RASSF9: variants seen among roughly 807,000 people sequenced by gnomAD.
The protein encoded by RASSF9 is Ras association domain family member 9, also known as ras association domain-containing protein 9.
Under a neutral mutation model 21.4 loss-of-function variants are expected in RASSF9, and 18 were observed. The ratio of observed to expected loss-of-function variants is 0.84; its 90% CI spans 0.58 to 1.25. The LOEUF (loss-of-function observed/expected upper bound fraction) is 1.25, where lower values mean the gene tolerates loss of function less well. RASSF9 is among the 50% of genes most tolerant of loss of function. The probability of loss-of-function intolerance (pLI) is 0.00; values close to 1 mark genes in which losing one functional copy is unlikely to be tolerated. For synonymous variants in RASSF9, 183 were observed against 179.1 expected (o/e 1.02, Z -0.18); for missense variants, 480 against 503.2 (o/e 0.95, Z 0.44).
rs955725372 is a variant in RASSF9, at chr12:85,804,176, G to A, written c.*526C>T. 1 of 152,698 alleles carries A rather than the reference G, an allele frequency of 6.5e-6. No individual in the cohort carries two copies. The highest frequency in any genetic ancestry group is 2.4e-5 in the African/African-American group (1 of 41,426). The allele number at this position is 152,698 out of a possible 1,614,324, so 9.5% of individuals were successfully genotyped here. ...AGGCCTCAACAGGTAGAAGGGTTCA[G>A]GAAGTGATATACATGATACGTTGTA... On this transcript the variant is annotated 3_prime_UTR_variant, in exon 2 of 2. Transcript: ENST00000361228.
chr12:85,825,149 C>T lies in RASSF9; in HGVS notation c.47+11006G>A, dbSNP rs202000921. On this transcript the variant is annotated intron_variant, in intron 1 of 1. Coordinates refer to ENST00000361228, the MANE Select transcript of RASSF9 (RefSeq NM_005447.4). ...TCCCTGGTAGCTAGGATTACAGGTGCGTGCCACTATGCCTGATTAATTTTT... is the reference window on the plus strand; with the variant it reads ...TCCCTGGTAGCTAGGATTACAGGTGTGTGCCACTATGCCTGATTAATTTTT... Among the ~76,000 whole-genome samples, 17 of 152,156 alleles carry T rather than the reference C, an allele frequency of 1.1e-4. No homozygotes were observed. In the East Asian group the frequency reaches 1.9e-3, roughly 17 times the overall value.
Position 85,804,554 on chromosome 12 carries a change from AG to A in RASSF9, c.*147del, listed in dbSNP as rs1879772003. The A allele has an allele frequency of 6.1e-6, 5 of 815,512 alleles. No individual in the cohort carries two copies. The highest frequency in any genetic ancestry group is 8.7e-6 in the Non-Finnish European group (5 of 573,242). The allele number at this position is 815,512 out of a possible 1,614,324, so 50.5% of individuals were successfully genotyped here. A position where few individuals can be genotyped will look rare whatever the true frequency, so the allele number is the denominator to read the frequency against. ...AAAGTTCCTTTGGAAATTTCACATC[AG>A]AAACAACACATTTCTCGAGTTTTTA... On this transcript the variant is annotated 3_prime_UTR_variant, in exon 2 of 2. Coordinates refer to ENST00000361228, the MANE Select transcript of RASSF9 (RefSeq NM_005447.4).
At position 85,801,409 on chromosome 12, in the gene RASSF9, A is replaced by AC. The variant is rs1879696747; in HGVS notation, c.*3292_*3293insG. 1.3e-5 allele frequency: 2 copies of AC among 152,148 alleles called. No homozygotes were observed. The highest frequency in any genetic ancestry group is 4.8e-5 in the African/African-American group (2 of 41,416). 9.4% of individuals were successfully genotyped at this position (152,148 alleles called of 1,614,324 possible). A position where few individuals can be genotyped will look rare whatever the true frequency, so the allele number is the denominator to read the frequency against. On this transcript the variant is annotated 3_prime_UTR_variant, in exon 2 of 2. Transcript: ENST00000361228. ...CTATAAAACACACACACACACACAC[A>AC]AAAGCTACAAACCTCTAAAATTTAG...
chr12:85,824,446 A>G (rs1565756343), intron 1 of RASSF9, among the ~76,000 whole-genome samples: 1 of 152,158 alleles, frequency 6.6e-6, no homozygotes, highest in Non-Finnish European at 1.5e-5. Context: ...GTTTTACTAT[A>G]TATTACTGCA....
At position 85,805,119 on chromosome 12, in the gene RASSF9, A is replaced by G. The variant is rs767425543; in HGVS notation, c.891T>C (p.Asp297=). ...CTTCCCCTTCCGCATCTTCATTTAT[A>G]TCAATGCAAACACTTTTTACCTCTT... ...IEKEVKSVCI[D]INEDAEGEAA... Residue 297 remains aspartate (D), a synonymous_variant, in exon 2 of 2, where the codon GAT becomes GAC. Transcript: ENST00000361228. The G allele has an allele frequency of 1.2e-6, 2 of 1,613,964 alleles. No homozygotes were observed. Among genetic ancestry groups the G allele is most frequent in the Non-Finnish European group, 1.7e-6 (2 of 1,179,896 alleles).
intron 1 of RASSF9, among the ~76,000 whole-genome samples, chr12:85,826,566 G>T (rs1880338327): frequency 7.1e-6 from 1 of 140,362 alleles, no homozygotes; most frequent in Admixed American, 6.9e-5. Context: ...TCCTGCCTTA[G>T]CCTCCCGAGT....
intron 1 of RASSF9, among the ~76,000 whole-genome samples, chr12:85,807,552 T>C (rs909838018): frequency 1.3e-5 from 2 of 152,072 alleles, no homozygotes; most frequent in African/African-American, 4.8e-5. Context: ...AGATGATGAT[T>C]TCCTGGACTA....
chr12:85,826,999 C>T (rs1393741832), intron 1 of RASSF9, among the ~76,000 whole-genome samples: 2 of 152,014 alleles, frequency 1.3e-5, no homozygotes, highest in East Asian at 1.9e-4. Flanking sequence ...ATATTCTAAT[C>T]TTCCCTCTCA....
At chr12:85,807,713 T>A (rs2136550555) in intron 1 of RASSF9, among the ~76,000 whole-genome samples, 1 of 152,120 alleles carries the variant, frequency 6.6e-6, no homozygotes, top group Non-Finnish European at 1.5e-5. Context: ...TTTTCTCTGT[T>A]CTATAGAAGG....
chr12:85,819,591 G>A (rs1408086962), intron 1 of RASSF9, among the ~76,000 whole-genome samples: 1 of 152,186 alleles, frequency 6.6e-6, no homozygotes, highest in Non-Finnish European at 1.5e-5. Context: ...TTTTATGGAT[G>A]GGTGAATGAA....
chr12:85,805,445 G>A lies in RASSF9; in HGVS notation c.565C>T (p.Leu189=). The A allele has an allele frequency of 6.2e-7, 1 of 1,613,956 alleles. No homozygotes were observed. Among genetic ancestry groups the A allele is most frequent in the Non-Finnish European group, 8.5e-7 (1 of 1,179,892 alleles). Residue 189 remains leucine (L), a synonymous_variant, in exon 2 of 2, where the codon CTG becomes TTG. Transcript: ENST00000361228. The stretch of plus-strand genomic sequence containing the variant: ...ATAGTATGGTCCTGGGAAATGATCA[G>A]ATGAACTAATGTCTCCATATTATCT... ...DRDNMETLVH[L]IISQDHTIHQ...
intron 1 of RASSF9, among the ~76,000 whole-genome samples, chr12:85,812,442 C>T (rs1879973538): frequency 6.6e-6 from 1 of 150,968 alleles, no homozygotes; most frequent in Admixed American, 6.6e-5. Flanking sequence ...CTATAATATA[C>T]ATTTTAATTT....
At chr12:85,814,618 T>C (rs1325367683) in intron 1 of RASSF9, among the ~76,000 whole-genome samples, 1 of 151,908 alleles carries the variant, frequency 6.6e-6, no homozygotes, top group African/African-American at 2.4e-5. Flanking sequence ...GTCTAAAACA[T>C]GATTAAAGGT....
intron 1 of RASSF9, among the ~76,000 whole-genome samples, chr12:85,829,253 G>C (rs1357253477): frequency 2.0e-5 from 3 of 152,072 alleles, no homozygotes; most frequent in Admixed American, 2.0e-4. Flanking sequence ...CATAATTAAT[G>C]AGCCTGAAAA....
At chr12:85,815,265 TAGC>T (rs1171758522) in intron 1 of RASSF9, among the ~76,000 whole-genome samples, 1 of 152,206 alleles carries the variant, frequency 6.6e-6, no homozygotes. Flanking sequence ...AAAAATAGCT[TAGC>T]AATAAAATTA....
At position 85,803,059 on chromosome 12, in the gene RASSF9, T is replaced by C. The variant is rs577206801; in HGVS notation, c.*1643A>G. ...CGAAACTGAAACAATCAGAAAATTC[T>C]AAATGTCTTCCCAAAGATGAGTTAA... On this transcript the variant is annotated 3_prime_UTR_variant, in exon 2 of 2. Coordinates refer to ENST00000361228, the MANE Select transcript of RASSF9 (RefSeq NM_005447.4). 2.0e-4 allele frequency: 31 copies of C among 152,276 alleles called. 1 individual carries two copies. The highest frequency in any genetic ancestry group is 6.5e-4 in the African/African-American group (27 of 41,574). 9.4% of individuals were successfully genotyped at this position (152,276 alleles called of 1,614,324 possible).
intron 1 of RASSF9, among the ~76,000 whole-genome samples, chr12:85,810,342 G>A (rs17346099): frequency 0.18 from 27,119 of 151,768 alleles, 2,648 homozygotes; most frequent in African/African-American, 0.22. Context: ...TCTTATGGTG[G>A]GAAACAGTGC....
In RASSF9 at chr12:85,836,380, C is replaced by A; in HGVS notation, c.-179G>T. On this transcript the variant is annotated 5_prime_UTR_variant, in exon 1 of 2. Transcript: ENST00000361228. The stretch of plus-strand genomic sequence containing the variant: ...AAAGTTGCTGGAAGTTGTGCAACTG[C>A]TGCTTAACTTTGAACTGCGGGATTG... 2 of 1,349,406 alleles carry A rather than the reference C, an allele frequency of 1.5e-6. No homozygotes were observed. The highest frequency in any genetic ancestry group is 9.9e-7 in the Non-Finnish European group (1 of 1,007,852). The allele number at this position is 1,349,406 out of a possible 1,614,324, so 83.6% of individuals were successfully genotyped here.
rs1252327057 is a variant in RASSF9 at position 85,836,156 on chromosome 12, T to C, written c.46A>G (p.Arg16Gly). The change falls in exon 1 of 2, where the codon AGA (arginine) becomes GGA (glycine). Residue 16 changes from arginine to glycine, a missense_variant and splice_region_variant. By Grantham distance (125) the Arg-to-Gly change is moderately radical (BLOSUM62 -2). Coordinates refer to ENST00000361228, the MANE Select transcript of RASSF9 (RefSeq NM_005447.4). ...RNLLKTRHKN[R>G]SPTKDMDSEE... is the part of the protein sequence containing the mutation. Reference sequence around the variant, plus strand: ...ACTTACTCACACGCTTGACTTTACCTGTTTTTATGCCGAGTCTTTAGCAAG... The same window carrying C: ...ACTTACTCACACGCTTGACTTTACCCGTTTTTATGCCGAGTCTTTAGCAAG... The C allele has an allele frequency of 6.4e-7, 1 of 1,551,256 alleles. No individual in the cohort carries two copies. Among genetic ancestry groups the C allele is most frequent in the Admixed American group, 2.0e-5 (1 of 50,926 alleles).
Sources: gnomAD v4.1 joint callset for allele counts (sites outside exome capture counted in the v4.1 genomes callset) on GRCh38, gnomAD v4.1.1 for gene constraint, MANE v1.5 for transcripts, NCBI Gene and HGNC (gene_info 2026-07-23, HGNC 2026-07-21) for gene names.